Variants in ZNF710 observed in about 807,000 individuals in gnomAD.
The protein encoded by ZNF710 is zinc finger protein 710.
In ZNF710, 13 loss-of-function variants were observed where a neutral mutation model predicts 50.6. That is an observed-to-expected ratio of 0.26 (90% CI 0.17 to 0.41). The LOEUF is 0.41. Among genes scored for constraint, ZNF710 ranks in the 10% least tolerant of loss-of-function variants. ZNF710 has a pLI of 1.00. For synonymous variants in ZNF710, 383 were observed against 397.0 expected, an observed-to-expected ratio of 0.96 and a Z score of 0.42; for missense variants, 721 against 936.6, an observed-to-expected ratio of 0.77 and a Z score of 3.01.
At chr15:90,012,519 C>A (rs1055764180) in intron 1 of ZNF710, among the ~76,000 whole-genome samples, 31 of 152,170 alleles carry the variant, frequency 2.0e-4, no homozygotes, top group African/African-American at 7.5e-4. Context: ...ATCCACCCGC[C>A]TCGGCCTCCC....
Position 90,067,483 on chromosome 15 carries a change from G to C in ZNF710, c.346G>C (p.Glu116Gln). 6.2e-7 allele frequency: 1 copy of C among 1,613,448 alleles called. No individual in the cohort carries two copies. Among genetic ancestry groups the C allele is most frequent in the Non-Finnish European group, 8.5e-7 (1 of 1,179,666 alleles). Reference sequence around the variant, plus strand: ...CAAGGTCAAGTTCGAGAAGGTGGAGGAGGAGGAACAGGAGGTCTATGAGGT... The same window carrying C: ...CAAGGTCAAGTTCGAGAAGGTGGAGCAGGAGGAACAGGAGGTCTATGAGGT... ...VPKVKFEKVE[E>Q]EEQEVYEVSV... The change falls in exon 2 of 5, where the codon GAG becomes CAG. Residue 116 changes from glutamate to glutamine, a missense_variant. This residue lies in a region of ZNF710 where 326 missense variants were observed against 347.1 expected (regional missense o/e 0.94). Transcript: ENST00000268154. This position sits in a 1 kb window ranked among gnomAD's most constrained non-coding sequence, Gnocchi z 8.1.
chr15:90,004,257 G>GT (rs1376771742), intron 1 of ZNF710, among the ~76,000 whole-genome samples: 1 of 152,180 alleles, frequency 6.6e-6, no homozygotes, highest in African/African-American at 2.4e-5. Context: ...TCTATTTTAG[G>GT]TTTGCCTTGT....
intron 1 of ZNF710, among the ~76,000 whole-genome samples, chr15:90,012,492 G>A (rs886676830): frequency 5.3e-5 from 8 of 151,722 alleles, no homozygotes; most frequent in Admixed American, 5.2e-4. Context: ...GGATAGTCTC[G>A]ATCCCCTGAC....
intron 1 of ZNF710, among the ~76,000 whole-genome samples, chr15:90,028,211 A>G (rs1898834784): frequency 6.6e-6 from 1 of 152,222 alleles, no homozygotes; most frequent in Non-Finnish European, 1.5e-5. Flanking sequence ...AACATTTGCC[A>G]TATTTGCTTC....
intron 1 of ZNF710, among the ~76,000 whole-genome samples, chr15:90,039,959 TA>T (rs56061799): frequency 0.96 from 146,727 of 152,296 alleles, 70,738 homozygotes; most frequent in East Asian, 1. Context: ...TGCAGTTCTC[TA>T]AGTCTTTTGG....
chr15:90,064,787 C>T (rs1349415673), intron 1 of ZNF710, among the ~76,000 whole-genome samples: 1 of 152,230 alleles, frequency 6.6e-6, no homozygotes, highest in Non-Finnish European at 1.5e-5. Flanking sequence ...CATGCCCCTG[C>T]CAACAGTGAT....
Position 90,080,170 on chromosome 15 carries a change from G to T in ZNF710, c.*341G>T. 1 of 214,084 alleles carries T rather than the reference G, an allele frequency of 4.7e-6. No homozygotes were observed. The highest frequency in any genetic ancestry group is 9.1e-6 in the Non-Finnish European group (1 of 109,718). 13.3% of individuals were successfully genotyped at this position (214,084 alleles called of 1,614,324 possible). ...GCACCGGCCCTCGGGGTCTCTCCAG[G>T]CCCAGCAGAGCTCTTCAGGGGTCCT... On this transcript the variant is annotated 3_prime_UTR_variant, in exon 5 of 5. Transcript: ENST00000268154.
At chr15:90,054,917 T>G (rs547164652) in intron 1 of ZNF710, among the ~76,000 whole-genome samples, 1 of 152,188 alleles carries the variant, frequency 6.6e-6, no homozygotes, top group Non-Finnish European at 1.5e-5. Context: ...GCAGGGTCTA[T>G]CTGGCTGCTG....
At position 90,052,423 on chromosome 15, in the gene ZNF710, A is replaced by C. The variant is rs189619408; in HGVS notation, c.-28-14687A>C. Reference sequence around the variant, plus strand: ...TTTCTGATCACTCGAGATTAAAAACAGCAATGGAGAAGCCAGGAGGAGGCT... The same window carrying C: ...TTTCTGATCACTCGAGATTAAAAACCGCAATGGAGAAGCCAGGAGGAGGCT... On this transcript the variant is annotated intron_variant, in intron 1 of 4. Coordinates refer to ENST00000268154, the MANE Select transcript of ZNF710 (RefSeq NM_198526.4). 5.9e-5 allele frequency among the ~76,000 whole-genome samples: 9 copies of C among 152,326 alleles called. No homozygotes were observed. The East Asian group carries it at 1.7e-3, about 29-fold the overall frequency.
chr15:90,007,613 A>G (rs1256842), intron 1 of ZNF710, among the ~76,000 whole-genome samples: 147,956 of 151,316 alleles, frequency 0.98, 72,364 homozygotes, highest in East Asian at 1. Flanking sequence ...ATAATTGTAA[A>G]CACTTTATAC....
At chr15:90,041,103 T>C (rs1480670430) in intron 1 of ZNF710, among the ~76,000 whole-genome samples, 2 of 152,236 alleles carry the variant, frequency 1.3e-5, no homozygotes, top group East Asian at 1.9e-4. Context: ...AAAACATCTA[T>C]TGGATGTTTA....
Position 90,068,073 on chromosome 15 carries a change from G to A in ZNF710, c.936G>A (p.Thr312=), listed in dbSNP as rs759955751. 34 of 1,614,110 alleles carry A rather than the reference G, an allele frequency of 2.1e-5. No individual in the cohort carries two copies. Among genetic ancestry groups the A allele is most frequent in the Non-Finnish European group, 2.5e-5 (29 of 1,180,052 alleles). ...KSYTSKYNLV[T]HILGHNGIKP... ...ACACGTCCAAGTACAACCTGGTGAC[G>A]CACATCCTGGGCCACAACGGCATCA... The change falls in exon 2 of 5, where the codon ACG becomes ACA. Residue 312 remains threonine (T), a synonymous_variant. Transcript: ENST00000268154. This position sits in a 1 kb window ranked among gnomAD's most constrained non-coding sequence, Gnocchi z 5.0.
chr15:90,031,018 C>CTAAA (rs1898927509), intron 1 of ZNF710, among the ~76,000 whole-genome samples: 1 of 89,776 alleles, frequency 1.1e-5, no homozygotes, highest in Non-Finnish European at 2.0e-5. Flanking sequence ...GACTCCGTCT[C>CTAAA]AAAAAAAAAG....
intron 1 of ZNF710, among the ~76,000 whole-genome samples, chr15:90,055,673 G>A (rs1232330284): frequency 2.6e-5 from 4 of 152,240 alleles, no homozygotes; most frequent in Non-Finnish European, 5.9e-5. Flanking sequence ...TTTCCTGCAG[G>A]TGGGTTGAAT....
Position 90,040,221 on chromosome 15 carries a change from C to T in ZNF710, c.-28-26889C>T, listed in dbSNP as rs894829794. The stretch of plus-strand genomic sequence containing the variant: ...CACTGTGGCCACTGCCTCCTCTGCA[C>T]GTAGATCATACCGCCTTTGTTGAGG... On this transcript the variant is annotated intron_variant, in intron 1 of 4. Coordinates refer to ENST00000268154, the MANE Select transcript of ZNF710 (RefSeq NM_198526.4). The surrounding 1 kb of genome is among the most constrained non-coding windows in gnomAD (Gnocchi z 4.6). Among the ~76,000 whole-genome samples the T allele has an allele frequency of 1.3e-5, 2 of 152,202 alleles. No individual in the cohort carries two copies. The highest frequency in any genetic ancestry group is 2.1e-4 in the South Asian group (1 of 4,836).
In ZNF710 at chr15:90,034,669, C is replaced by CA. The variant is rs1337550722; in HGVS notation, c.-28-32441_-28-32440insA. ...CTCTTCTCACCCCTTCTGAGAGGCC[C>CA]GCCTGCTCTCCTGCTACCCTAGAGC... On this transcript the variant is annotated intron_variant, in intron 1 of 4. Transcript: ENST00000268154. The surrounding 1 kb of genome is among the most constrained non-coding windows in gnomAD (Gnocchi z 4.0). Among the ~76,000 whole-genome samples the CA allele has an allele frequency of 6.6e-6, 1 of 152,128 alleles. No individual in the cohort carries two copies. Among genetic ancestry groups the CA allele is most frequent in the Non-Finnish European group, 1.5e-5 (1 of 68,024 alleles).
rs543864060 is a variant in ZNF710, at chr15:90,011,222, G to A, written c.-29+9608G>A. ...TGGGATTACAGGCGTGAGCCACTGC[G>A]CCCGGCCTAGCCTCCTGAGTAGTTG... On this transcript the variant is annotated intron_variant, in intron 1 of 4. Coordinates refer to ENST00000268154, the MANE Select transcript of ZNF710 (RefSeq NM_198526.4). Among the ~76,000 whole-genome samples the A allele has an allele frequency of 5.5e-3, 836 of 152,226 alleles. 2 individuals carry two copies. Among genetic ancestry groups the A allele is most frequent in the Non-Finnish European group, 8.5e-3 (580 of 68,004 alleles).
intron 1 of ZNF710, among the ~76,000 whole-genome samples, chr15:90,035,432 C>T (rs747553728): frequency 7.2e-5 from 11 of 152,170 alleles, no homozygotes; most frequent in East Asian, 3.9e-4. Flanking sequence ...GAGCTGGCTG[C>T]GGAAGGCAGG....
intron 1 of ZNF710, among the ~76,000 whole-genome samples, chr15:90,061,942 C>CG (rs1291273944): frequency 6.6e-6 from 1 of 152,076 alleles, no homozygotes; most frequent in Non-Finnish European, 1.5e-5. Context: ...TCTGAGGAGA[C>CG]GGCGTCCCTG....
Sources: gnomAD v4.1 joint callset for allele counts (sites outside exome capture counted in the v4.1 genomes callset) on GRCh38, gnomAD v4.1.1 for gene constraint, gnomAD v4.1.1 regional missense constraint, Gnocchi (gnomAD v3.1) non-coding constraint, MANE v1.5 for transcripts, NCBI Gene and HGNC (gene_info 2026-07-23, HGNC 2026-07-21) for gene names.